Variants in ANO4 observed in about 807,000 individuals in gnomAD.
ANO4 encodes anoctamin 4.
ANO4 carries 69 observed loss-of-function variants against 141.9 expected under a neutral mutation model. The ratio of observed to expected loss-of-function variants is 0.49; its 90% confidence interval spans 0.40 to 0.59. The LOEUF is 0.59. Ranked by LOEUF, ANO4 falls within the 20% of genes least tolerant of loss-of-function variation. The pLI, the probability that ANO4 is intolerant of heterozygous loss-of-function variation, is 0.00. For missense variants in ANO4, 894 were observed against 1,162.2 expected (o/e 0.77, Z 3.36); for synonymous variants, 350 against 394.3 (o/e 0.89, Z 1.33).
At chr12:100,916,188 A>G (rs2041332152) in intron 2 of ANO4, among the ~76,000 whole-genome samples, 1 of 152,220 alleles carries the variant, frequency 6.6e-6, no homozygotes, top group African/African-American at 2.4e-5. Flanking sequence ...GAGGAAGAGG[A>G]CAGAGATTGC....
chr12:100,976,720 TC>T (rs371993994), intron 7 of ANO4, among the ~76,000 whole-genome samples: 143 of 152,274 alleles, frequency 9.4e-4, no homozygotes, highest in African/African-American at 3.1e-3. Context: ...CTCCATCTTC[TC>T]ATTAAAATAC....
At chr12:101,096,774 C>T (rs1261424857) in intron 19 of ANO4, 127 bp downstream of exon 19, 2 of 675,764 alleles carry the variant, frequency 3.0e-6, no homozygotes, top group Admixed American at 5.6e-5. Context: ...GAAGAGCATC[C>T]TCCTCCCTTC....
chr12:100,876,417 C>T (rs1383858086), intron 1 of ANO4, among the ~76,000 whole-genome samples: 1 of 152,052 alleles, frequency 6.6e-6, no homozygotes, highest in African/African-American at 2.4e-5. Context: ...TGCCTATGGC[C>T]ACAGTTTCCC....
chr12:100,983,437 A>G (rs530487440), intron 7 of ANO4, among the ~76,000 whole-genome samples: 1 of 152,370 alleles, frequency 6.6e-6, no homozygotes, highest in Admixed American at 6.5e-5. Context: ...TTGTCTGTTC[A>G]GGGTTTCCCA....
intron 1 of ANO4, among the ~76,000 whole-genome samples, chr12:100,813,612 A>G (rs976248111): frequency 6.6e-6 from 1 of 152,200 alleles, no homozygotes; most frequent in Admixed American, 6.5e-5. Context: ...AAGACTTTCC[A>G]ATATAAACAT....
At chr12:101,014,719 G>A (rs1178460044) in intron 8 of ANO4, among the ~76,000 whole-genome samples, 1 of 152,178 alleles carries the variant, frequency 6.6e-6, no homozygotes, top group Non-Finnish European at 1.5e-5. Context: ...TGATCACAGA[G>A]TTGATGCTAC....
chr12:100,829,032 AAG>A (rs201462901), intron 1 of ANO4, among the ~76,000 whole-genome samples: 5 of 151,916 alleles, frequency 3.3e-5, no homozygotes, highest in Admixed American at 3.3e-4. Flanking sequence ...AAAAAAAAAA[AAG>A]CTTAATTTAA....
chr12:100,734,717 T>A (rs2031532144), intron 2 of ANO4, among the ~76,000 whole-genome samples: 1 of 152,196 alleles, frequency 6.6e-6, no homozygotes, highest in Admixed American at 6.5e-5. Flanking sequence ...TTAAACACTA[T>A]GCCGTGGCTT....
intron 3 of ANO4, among the ~76,000 whole-genome samples, chr12:100,750,087 G>A (rs949393125): frequency 6.6e-6 from 1 of 151,722 alleles, no homozygotes; most frequent in African/African-American, 2.4e-5. Context: ...CATCCAGTAG[G>A]TCTGGGCAAG....
chr12:101,039,272 A>G (rs757262928), intron 10 of ANO4, among the ~76,000 whole-genome samples: 2 of 152,158 alleles, frequency 1.3e-5, no homozygotes, highest in Non-Finnish European at 2.9e-5. Flanking sequence ...TGGGAGGCCG[A>G]GGGGGACAGA....
chr12:100,729,360 C>CAAAAAAAAAAAAAAAAA (rs1156522144), intron 1 of ANO4, among the ~76,000 whole-genome samples: 1 of 22,576 alleles, frequency 4.4e-5, no homozygotes, highest in Non-Finnish European at 8.4e-5. Flanking sequence ...AACTCTGTCT[C>CAAAAAAAAAAAAAAAAA]AAAAAAAAAA....
intron 1 of ANO4, among the ~76,000 whole-genome samples, chr12:100,870,503 C>T (rs2038978076): frequency 1.3e-5 from 2 of 151,728 alleles, no homozygotes; most frequent in Admixed American, 1.3e-4. Flanking sequence ...GTTTGTCATT[C>T]CATGTATTTG....
chr12:101,067,618 A>G (rs539909487), intron 14 of ANO4, among the ~76,000 whole-genome samples: 54 of 152,260 alleles, frequency 3.5e-4, no homozygotes, highest in African/African-American at 1.1e-3. Flanking sequence ...GGGAGGTAGA[A>G]GTTGCAGTGA....
rs145045249 is a variant in ANO4 at position 101,057,075 on chromosome 12, A to G, written c.1312+8674A>G. Among the ~76,000 whole-genome samples the G allele has an allele frequency of 1.7e-4, 25 of 150,842 alleles. No homozygotes were observed. In the East Asian group the frequency reaches 3.9e-3, roughly 23 times the overall value. ...TGTGTCCATGTGTTCTCATTGTTCA[A>G]CTCCCACTTAGGAGTGAGAACATGC... On this transcript the variant is annotated intron_variant, in intron 14 of 27. Coordinates refer to ENST00000392977, the MANE Select transcript of ANO4 (RefSeq NM_001286615.2).
At chr12:100,850,523 A>G (rs1173727693) in intron 1 of ANO4, among the ~76,000 whole-genome samples, 2 of 152,180 alleles carry the variant, frequency 1.3e-5, no homozygotes, top group African/African-American at 2.4e-5. Flanking sequence ...CTGGCATCAG[A>G]AAATTTTCTC....
At chr12:100,735,914 A>G (rs2031589399) in intron 2 of ANO4, among the ~76,000 whole-genome samples, 1 of 152,216 alleles carries the variant, frequency 6.6e-6, no homozygotes, top group African/African-American at 2.4e-5. Context: ...GTTCAGTCAA[A>G]TCTTTGGAAG....
At chr12:101,054,013 A>G (rs954863660) in intron 14 of ANO4, among the ~76,000 whole-genome samples, 2 of 152,250 alleles carry the variant, frequency 1.3e-5, no homozygotes, top group African/African-American at 4.8e-5. Flanking sequence ...CTTAGAAGGC[A>G]TTCTAGTACT....
At chr12:101,086,340 C>T (rs1395027573) in intron 16 of ANO4, among the ~76,000 whole-genome samples, 1 of 151,882 alleles carries the variant, frequency 6.6e-6, no homozygotes, top group East Asian at 1.9e-4. Context: ...AATTTTAAAC[C>T]GAAGAGTGAC....
rs542377447 is a variant in ANO4, at chr12:101,099,366, A to C, written c.2007-212A>C. Among the ~76,000 whole-genome samples the C allele has an allele frequency of 1.1e-3, 166 of 152,326 alleles. 1 individual carries two copies. Among genetic ancestry groups the C allele is most frequent in the African/African-American group, 3.7e-3 (154 of 41,586 alleles). ...AGACAGTTTCATGAATGATTAAAAC[A>C]AGTTCATCAATCATTCTGTTTACTT... On this transcript the variant is annotated intron_variant, in intron 21 of 27. Coordinates refer to ENST00000392977, the MANE Select transcript of ANO4 (RefSeq NM_001286615.2).
Sources: gnomAD v4.1 joint callset for allele counts (sites outside exome capture counted in the v4.1 genomes callset) on GRCh38, gnomAD v4.1.1 for gene constraint, MANE v1.5 for transcripts, NCBI Gene and HGNC (gene_info 2026-07-23, HGNC 2026-07-21) for gene names.